Variants in HMGN5 observed in about 807,000 individuals in gnomAD.
HMGN5 encodes high mobility group nucleosome binding domain 5.
Under a neutral mutation model 9.5 loss-of-function variants are expected in HMGN5, and 4 were observed. The observed-to-expected ratio is 0.42, with a 90% CI of 0.21 to 0.96. HMGN5 has a LOEUF of 0.96. Ranked by LOEUF, HMGN5 falls within the 40% of genes least tolerant of loss-of-function variation. The probability of loss-of-function intolerance (pLI) is 0.30; values close to 1 mark genes in which losing one functional copy is unlikely to be tolerated. For missense variants in HMGN5, 192 were observed against 187.5 expected (o/e 1.02, Z -0.14); for synonymous variants, 55 against 57.1 (o/e 0.96, Z 0.16).
chrX:81,116,103 A>T, intron 6 of HMGN5, 101 bp downstream of exon 6: 3 of 579,195 alleles, frequency 5.2e-6, no homozygotes, highest in Admixed American at 3.8e-5. Context: ...TGCTCACTTA[A>T]TTTTTTTCCA....
chrX:81,194,615 A>G (rs1051392497), intron 1 of HMGN5, among the ~76,000 whole-genome samples: 6 of 111,962 alleles, frequency 5.4e-5, no homozygotes, highest in African/African-American at 1.3e-4. Flanking sequence ...ACCTTACACT[A>G]CTTTATACAA....
At chrX:81,176,227 A>G (rs898133455) in intron 1 of HMGN5, among the ~76,000 whole-genome samples, 1 of 111,287 alleles carries the variant, frequency 9.0e-6, no homozygotes, top group African/African-American at 3.3e-5. Context: ...ACAGAAAGGA[A>G]TAGCATCAAC....
intron 1 of HMGN5, among the ~76,000 whole-genome samples, chrX:81,184,558 A>AT (rs200858929): frequency 0.034 from 3,387 of 100,942 alleles, 65 homozygotes; most frequent in Admixed American, 0.058. Flanking sequence ...CATTTTATTG[A>AT]TTTTTTTTTT....
chrX:81,161,324 G>T lies in HMGN5; in HGVS notation c.-123-39652C>A, dbSNP rs12391369. Among the ~76,000 whole-genome samples, 181 of 111,137 alleles carry T rather than the reference G, an allele frequency of 1.6e-3. 4 individuals carry two copies. Among genetic ancestry groups the T allele is most frequent in the African/African-American group, 5.6e-3 (168 of 30,216 alleles). On this transcript the variant is annotated intron_variant, in intron 1 of 6. Coordinates refer to ENST00000358130, the MANE Select transcript of HMGN5 (RefSeq NM_030763.3). Reference sequence around the variant, plus strand: ...AACTAATGGCTAGCATTTACTGCCAGATATATGAATGAATAAGCCTTCAAA... The same window carrying T: ...AACTAATGGCTAGCATTTACTGCCATATATATGAATGAATAAGCCTTCAAA...
At chrX:81,169,453 A>G (rs1315388525) in intron 1 of HMGN5, among the ~76,000 whole-genome samples, 1 of 111,736 alleles carries the variant, frequency 8.9e-6, no homozygotes, top group African/African-American at 3.3e-5. Flanking sequence ...AACATGTCTG[A>G]GCATACTTGG....
At chrX:81,129,346 A>G (rs189470321) in intron 1 of HMGN5, among the ~76,000 whole-genome samples, 1 of 102,151 alleles carries the variant, frequency 9.8e-6, no homozygotes, top group Non-Finnish European at 2.0e-5. Context: ...ATAGATTGAA[A>G]TGGCTTTTTT....
chrX:81,147,941 G>C (rs1475079460), intron 1 of HMGN5, among the ~76,000 whole-genome samples: 4 of 111,378 alleles, frequency 3.6e-5, no homozygotes, highest in Non-Finnish European at 7.5e-5. Context: ...TGAAGGACCT[G>C]TTCAAAGAGA....
At chrX:81,125,849 T>C (rs1204230048) in intron 1 of HMGN5, among the ~76,000 whole-genome samples, 2 of 111,385 alleles carry the variant, frequency 1.8e-5, no homozygotes, top group Non-Finnish European at 3.8e-5. Context: ...AGATCATCTA[T>C]TAAAATTTAA....
At chrX:81,179,150 G>A (rs774136848) in intron 1 of HMGN5, among the ~76,000 whole-genome samples, 2 of 111,649 alleles carry the variant, frequency 1.8e-5, no homozygotes, top group Admixed American at 1.9e-4. Flanking sequence ...ACAAGACAAG[G>A]ATGCCCTCTC....
At chrX:81,140,669 A>G (rs1302677378) in intron 1 of HMGN5, among the ~76,000 whole-genome samples, 1 of 110,661 alleles carries the variant, frequency 9.0e-6, no homozygotes, top group Non-Finnish European at 1.9e-5. Flanking sequence ...ACCTGGTACT[A>G]CGTCAAGGCC....
chrX:81,124,767 G>A (rs953139630), intron 1 of HMGN5, among the ~76,000 whole-genome samples: 10 of 111,060 alleles, frequency 9.0e-5, no homozygotes, highest in Non-Finnish European at 1.3e-4. Context: ...CTAAGATTAC[G>A]TTGGCTTGTT....
chrX:81,143,430 T>C (rs149868662), intron 1 of HMGN5, among the ~76,000 whole-genome samples: 91 of 112,343 alleles, frequency 8.1e-4, no homozygotes, highest in African/African-American at 2.7e-3. Flanking sequence ...GCGAGATTGA[T>C]GCAGAAGGCA....
chrX:81,157,451 T>C (rs774750305), intron 1 of HMGN5, among the ~76,000 whole-genome samples: 3 of 112,014 alleles, frequency 2.7e-5, no homozygotes, highest in African/African-American at 9.7e-5. Flanking sequence ...ATAACAGTTG[T>C]TCACATAAAA....
intron 1 of HMGN5, among the ~76,000 whole-genome samples, chrX:81,171,193 T>G (rs761624621): frequency 9.0e-6 from 1 of 111,731 alleles, no homozygotes; most frequent in African/African-American, 3.2e-5. Context: ...AAAAACACTT[T>G]GGAGATCTGC....
intron 1 of HMGN5, among the ~76,000 whole-genome samples, chrX:81,125,124 T>G (rs2075279451): frequency 9.1e-6 from 1 of 109,418 alleles, no homozygotes; most frequent in Non-Finnish European, 1.9e-5. Context: ...GCATTCTAGA[T>G]ACACTACTTT....
chrX:81,201,385 C>T (rs1321601592), intron 1 of HMGN5, among the ~76,000 whole-genome samples: 1 of 111,150 alleles, frequency 9.0e-6, no homozygotes, highest in Non-Finnish European at 1.9e-5. Context: ...TCCCAAATCC[C>T]TTACTTCAGT....
chrX:81,123,774 C>A (rs1007164068), intron 1 of HMGN5, among the ~76,000 whole-genome samples: 5 of 112,167 alleles, frequency 4.5e-5, no homozygotes, highest in South Asian at 3.7e-4. Context: ...TACCTATTTA[C>A]AAATCAAAGC....
chrX:81,130,120 C>T (rs1490096505), intron 1 of HMGN5, among the ~76,000 whole-genome samples: 1 of 110,716 alleles, frequency 9.0e-6, no homozygotes, highest in Non-Finnish European at 1.9e-5. Context: ...AGAGAGAGAC[C>T]AGGTGTGCTT....
chrX:81,165,261 T>A (rs1379201330), intron 1 of HMGN5, among the ~76,000 whole-genome samples: 1 of 110,764 alleles, frequency 9.0e-6, no homozygotes, highest in African/African-American at 3.3e-5. Context: ...TATACTCAAT[T>A]ACCTACTTGA....
Sources: gnomAD v4.1 joint callset for allele counts (sites outside exome capture counted in the v4.1 genomes callset) on GRCh38, gnomAD v4.1.1 for gene constraint, MANE v1.5 for transcripts, NCBI Gene and HGNC (gene_info 2026-07-23, HGNC 2026-07-21) for gene names.